Variants in TRIP13 observed in about 807,000 individuals in gnomAD.
The protein encoded by TRIP13 is pachytene checkpoint protein 2 homolog.
TRIP13 carries 25 observed loss-of-function variants against 54.4 expected under a neutral mutation model. The observed-to-expected ratio is 0.46, with a 90% CI of 0.33 to 0.64. The LOEUF (loss-of-function observed/expected upper bound fraction) is 0.64, where lower values mean the gene tolerates loss of function less well. TRIP13 is among the 30% of genes least tolerant of loss of function. TRIP13 has a pLI of 0.02. For missense variants in TRIP13, 373 were observed against 534.2 expected (o/e 0.70, Z 2.97); for synonymous variants, 207 against 207.8 (o/e 1.00, Z 0.03).
chr5:909,330 G>A (rs1754182462), intron 9 of TRIP13, among the ~76,000 whole-genome samples: 1 of 152,232 alleles, frequency 6.6e-6, no homozygotes, highest in Non-Finnish European at 1.5e-5. Context: ...CCAGGACTCA[G>A]GTTCCTTCTG....
Position 901,338 on chromosome 5 carries a change from C to G in TRIP13, c.445-3C>G. On this transcript the variant is annotated splice_region_variant and splice_polypyrimidine_tract_variant and intron_variant, in intron 4 of 12. Coordinates refer to ENST00000166345, the MANE Select transcript of TRIP13 (RefSeq NM_004237.4). ...GTCAAGCTCTTTTCTTTTTCTCTAT[C>G]AGCTCCTCGATTATGTGATGACAAC... The G allele has an allele frequency of 6.2e-7, 1 of 1,612,908 alleles. No homozygotes were observed. The highest frequency in any genetic ancestry group is 8.5e-7 in the Non-Finnish European group (1 of 1,179,642).
At chr5:896,215 G>C (rs1020654481) in intron 2 of TRIP13, among the ~76,000 whole-genome samples, 86 of 152,324 alleles carry the variant, frequency 5.6e-4, no homozygotes, top group Non-Finnish European at 2.6e-4. Context: ...CAGAAGGCTG[G>C]AGGTGGGAGG....
Position 908,497 on chromosome 5 carries a change from G to T in TRIP13, c.866+36G>T. ...CATGCAGCAATTTTCCCTGAGAAGT[G>T]ATGAGAAGTTTGTCCCAAAGAAATG... On this transcript the variant is annotated intron_variant, in intron 9 of 12. Coordinates refer to ENST00000166345, the MANE Select transcript of TRIP13 (RefSeq NM_004237.4). This position sits in a 1 kb window ranked among gnomAD's most constrained non-coding sequence, Gnocchi z 5.2. 6.2e-7 allele frequency: 1 copy of T among 1,610,588 alleles called. No individual in the cohort carries two copies. The highest frequency in any genetic ancestry group is 1.1e-5 in the South Asian group (1 of 91,028).
chr5:905,956 C>T (rs897911260), intron 6 of TRIP13, among the ~76,000 whole-genome samples: 6 of 152,202 alleles, frequency 3.9e-5, no homozygotes, highest in Admixed American at 1.3e-4. Context: ...GGCTCAATGC[C>T]TGTAATCCCA....
chr5:895,289 G>A (rs77821078), intron 2 of TRIP13, among the ~76,000 whole-genome samples: 3,240 of 152,280 alleles, frequency 0.021, 72 homozygotes, highest in Non-Finnish European at 0.028. Context: ...GTGTGTGCTA[G>A]GACCATAGGA....
chr5:897,082 G>T (rs1046165254), intron 3 of TRIP13, among the ~76,000 whole-genome samples: 1 of 152,194 alleles, frequency 6.6e-6, no homozygotes, highest in Non-Finnish European at 1.5e-5. Context: ...GTGGCTCCTT[G>T]TCTGCTTGAT....
At position 907,566 on chromosome 5, in the gene TRIP13, C is replaced by G. The variant is rs1222107153; in HGVS notation, c.672+373C>G. Among the ~76,000 whole-genome samples, 2 of 152,216 alleles carry G rather than the reference C, an allele frequency of 1.3e-5. No homozygotes were observed. Among genetic ancestry groups the G allele is most frequent in the South Asian group, 4.1e-4 (2 of 4,826 alleles). ...ATTCTTACCTCTGAGGAGCTGTGCC[C>G]AAGTCACCTGGCATCCGCACATCCC... On this transcript the variant is annotated intron_variant, in intron 7 of 12. Transcript: ENST00000166345. This position sits in a 1 kb window ranked among gnomAD's most constrained non-coding sequence, Gnocchi z 4.1.
rs2150683710 is a variant in TRIP13 at position 901,493 on chromosome 5, C to CCAA, written c.535+63_535+64insAAC. 6.6e-6 allele frequency: 10 copies of CCAA among 1,508,230 alleles called. No homozygotes were observed. The East Asian group carries it at 2.0e-4, about 31-fold the overall frequency. The allele number at this position is 1,508,230 out of a possible 1,614,324, so 93.4% of individuals were successfully genotyped here. On this transcript the variant is annotated intron_variant, in intron 5 of 12. Coordinates refer to ENST00000166345, the MANE Select transcript of TRIP13 (RefSeq NM_004237.4). ...GCATGAAATTTAGCCTTTACTTGTA[C>CCAA]CTTCGTCCTTCTGCAAGGAGTTACG...
intron 3 of TRIP13, among the ~76,000 whole-genome samples, chr5:899,979 A>C (rs1753946798): frequency 6.6e-6 from 1 of 152,144 alleles, no homozygotes; most frequent in Non-Finnish European, 1.5e-5. Flanking sequence ...CCAGGGCTTC[A>C]TTCAGTCAGT....
rs865944036 is a variant in TRIP13 at position 912,862 on chromosome 5, G to T, written c.1020+866G>T. ...CATCCTGCAGGGGCCTTTGTTTAGG[G>T]TAGTTGGGCGGTAACCAAGCAAACC... On this transcript the variant is annotated intron_variant, in intron 10 of 12. Transcript: ENST00000166345. This position sits in a 1 kb window ranked among gnomAD's most constrained non-coding sequence, Gnocchi z 7.2. Among the ~76,000 whole-genome samples, 16 of 152,330 alleles carry T rather than the reference G, an allele frequency of 1.1e-4. No homozygotes were observed. The Middle Eastern group carries it at 0.01, about 97-fold the overall frequency.
At chr5:904,243 A>G in intron 6 of TRIP13, 23 bp downstream of exon 6, 1 of 1,585,746 alleles carries the variant, frequency 6.3e-7, no homozygotes, top group Non-Finnish European at 8.6e-7. Flanking sequence ...AATCTGTGAG[A>G]GGAGAGCCAT....
At position 917,691 on chromosome 5, in the gene TRIP13, A is replaced by G. The variant is rs1579206605; in HGVS notation, c.*588A>G. On this transcript the variant is annotated 3_prime_UTR_variant, in exon 13 of 13. Coordinates refer to ENST00000166345, the MANE Select transcript of TRIP13 (RefSeq NM_004237.4). Reference sequence around the variant, plus strand: ...GGTCGGTAAAGTGTTCTTTCATAATAAATAATCAGACATGGTCCCATTTGC... The same window carrying G: ...GGTCGGTAAAGTGTTCTTTCATAATGAATAATCAGACATGGTCCCATTTGC... 1 of 152,274 alleles carries G rather than the reference A, an allele frequency of 6.6e-6. No homozygotes were observed. Among genetic ancestry groups the G allele is most frequent in the Non-Finnish European group, 1.5e-5 (1 of 68,080 alleles). 9.4% of individuals were successfully genotyped at this position (152,274 alleles called of 1,614,324 possible).
In TRIP13 at chr5:896,771, C is replaced by A. The variant is rs1301893435; in HGVS notation, c.365C>A (p.Ala122Glu). Residue 122 changes from alanine to glutamate, a missense_variant, in exon 3 of 13, where the codon GCA becomes GAA. Coordinates refer to ENST00000166345, the MANE Select transcript of TRIP13 (RefSeq NM_004237.4). ...LEEETENIIA[A>E]NHWVLPAAEF... is the part of the protein sequence containing the mutation. ...GAAGAGACAGAAAACATAATTGCAG[C>A]AAATCACTGGGTTCTACCTGCAGGT... The A allele has an allele frequency of 6.2e-7, 1 of 1,613,502 alleles. No homozygotes were observed. Among genetic ancestry groups the A allele is most frequent in the East Asian group, 2.2e-5 (1 of 44,868 alleles).
In TRIP13 at chr5:893,094, A is replaced by AG. The variant is rs762118615; in HGVS notation, c.92+5dup. Reference sequence around the variant, plus strand: ...AGGTGCATCAGCGCGGCAGCAGGTGAGCCGGACCTGTCCGACACATCCTCT... The same window carrying AG: ...AGGTGCATCAGCGCGGCAGCAGGTGAGGCCGGACCTGTCCGACACATCCTCT... On this transcript the variant is annotated splice_donor_region_variant and intron_variant, in intron 1 of 12. Transcript: ENST00000166345. 152 of 1,587,876 alleles carry AG rather than the reference A, an allele frequency of 9.6e-5. No homozygotes were observed. Among genetic ancestry groups the AG allele is most frequent in the Non-Finnish European group, 1.2e-4 (142 of 1,173,460 alleles).
In TRIP13 at chr5:907,115, T is replaced by A; in HGVS notation, c.609-15T>A. The A allele has an allele frequency of 1.2e-6, 2 of 1,612,744 alleles. No homozygotes were observed. Among genetic ancestry groups the A allele is most frequent in the Non-Finnish European group, 1.7e-6 (2 of 1,178,874 alleles). On this transcript the variant is annotated splice_polypyrimidine_tract_variant and intron_variant, in intron 6 of 12. Transcript: ENST00000166345. This position sits in a 1 kb window ranked among gnomAD's most constrained non-coding sequence, Gnocchi z 4.1. ...ACCAGTTAGTAATTCTCTCAACTCC[T>A]TTTTTCTATCTCAGGTACCGATATG... is the stretch of plus-strand genomic sequence containing the variant.
rs1753868420 is a variant in TRIP13, at chr5:894,675, C to G, written c.93-112C>G. The G allele has an allele frequency of 2.3e-6, 3 of 1,283,210 alleles. No homozygotes were observed. The African/African-American group carries it at 4.5e-5, about 19-fold the overall frequency. The allele number at this position is 1,283,210 out of a possible 1,614,324, so 79.5% of individuals were successfully genotyped here. A position where few individuals can be genotyped will look rare whatever the true frequency, so the allele number is the denominator to read the frequency against. Reference sequence around the variant, plus strand: ...CCAGGCAGGCCAACTCCAACTTACCCTGTTAACTACTGGGCTTTCTTATGT... The same window carrying G: ...CCAGGCAGGCCAACTCCAACTTACCGTGTTAACTACTGGGCTTTCTTATGT... On this transcript the variant is annotated intron_variant, in intron 1 of 12. Transcript: ENST00000166345.
Position 904,215 on chromosome 5 carries a change from A to T in TRIP13, c.603A>T (p.Ser201=). 2 of 1,608,564 alleles carry T rather than the reference A, an allele frequency of 1.2e-6. No homozygotes were observed. Among genetic ancestry groups the T allele is most frequent in the Non-Finnish European group, 8.5e-7 (1 of 1,178,266 alleles). Residue 201 remains serine (S), a synonymous_variant, in exon 6 of 13, where the codon TCA becomes TCT. Coordinates refer to ENST00000166345, the MANE Select transcript of TRIP13 (RefSeq NM_004237.4). The part of the protein sequence containing the change: ...ALAQKLTIRL[S]SRYRYGQLIE... The stretch of plus-strand genomic sequence containing the variant: ...CCCAGAAATTGACAATTAGACTTTC[A>T]AGCAGGTAACTTTCGGTAATCTGTG...
At position 908,061 on chromosome 5, in the gene TRIP13, T is replaced by G; in HGVS notation, c.746T>G (p.Val249Gly). ...GATGATAAAGACGCCCTGGTGTTCG[T>G]GCTGATTGATGAGGTAGGCATTTCC... Reference protein sequence around the residue: ...LIDDKDALVFVLIDEVESLTA... With the variant: ...LIDDKDALVFGLIDEVESLTA... The change falls in exon 8 of 13, where the codon GTG becomes GGG. Residue 249 changes from valine to glycine, a missense_variant. This residue lies in a region of TRIP13 where 119 missense variants were observed against 223.0 expected (regional missense o/e 0.53). Coordinates refer to ENST00000166345, the MANE Select transcript of TRIP13 (RefSeq NM_004237.4). The surrounding 1 kb of genome is among the most constrained non-coding windows in gnomAD (Gnocchi z 5.2). 1.2e-6 allele frequency: 2 copies of G among 1,614,190 alleles called. No individual in the cohort carries two copies. The highest frequency in any genetic ancestry group is 1.7e-6 in the Non-Finnish European group (2 of 1,180,020).
At position 908,111 on chromosome 5, in the gene TRIP13, C is replaced by T. The variant is rs777832331; in HGVS notation, c.759+37C>T. On this transcript the variant is annotated intron_variant, in intron 8 of 12. Coordinates refer to ENST00000166345, the MANE Select transcript of TRIP13 (RefSeq NM_004237.4). The surrounding 1 kb of genome is among the most constrained non-coding windows in gnomAD (Gnocchi z 5.2). Reference sequence around the variant, plus strand: ...CAGATAAGGAAATTCATGACAGAATCGCCTTTTGCCATTGTGGGGACACAG... The same window carrying T: ...CAGATAAGGAAATTCATGACAGAATTGCCTTTTGCCATTGTGGGGACACAG... 1.2e-5 allele frequency: 20 copies of T among 1,607,998 alleles called. No homozygotes were observed. Among genetic ancestry groups the T allele is most frequent in the African/African-American group, 2.7e-5 (2 of 74,774 alleles).
Sources: allele counts gnomAD v4.1 joint callset (sites outside exome capture counted in the v4.1 genomes callset), GRCh38; gene constraint gnomAD v4.1.1; regional missense constraint gnomAD v4.1.1; non-coding constraint Gnocchi (gnomAD v3.1); transcripts MANE v1.5; gene names NCBI Gene and HGNC (gene_info 2026-07-23, HGNC 2026-07-21).